CLASP1: variants seen among roughly 807,000 people sequenced by gnomAD.
CLASP1 encodes CLIP-associating protein 1.
Under a neutral mutation model 192.3 loss-of-function variants are expected in CLASP1, and 38 were observed. The ratio of observed to expected loss-of-function variants is 0.20; its 90% confidence interval spans 0.15 to 0.26. The LOEUF (loss-of-function observed/expected upper bound fraction) is 0.26. Ranked by LOEUF, CLASP1 falls within the 10% of genes least tolerant of loss-of-function variation. CLASP1 has a pLI of 1.00. For synonymous variants in CLASP1, 691 were observed against 712.8 expected, an observed-to-expected ratio of 0.97 and a Z score of 0.49; for missense variants, 1,433 against 1,932.5, an observed-to-expected ratio of 0.74 and a Z score of 4.85.
intron 2 of CLASP1, among the ~76,000 whole-genome samples, chr2:121,553,477 G>A (rs2058231149): frequency 6.6e-6 from 1 of 152,108 alleles, no homozygotes; most frequent in South Asian, 2.1e-4. Context: ...GCTGAGGTGG[G>A]AGGATCATGA....
chr2:121,357,114 C>A (rs1403429888), intron 37 of CLASP1, among the ~76,000 whole-genome samples: 1 of 152,134 alleles, frequency 6.6e-6, no homozygotes, highest in Non-Finnish European at 1.5e-5. Context: ...GCTACCCCAG[C>A]ACAAATATAG....
chr2:121,640,277 G>A (rs1001448860), intron 1 of CLASP1, among the ~76,000 whole-genome samples: 2 of 152,182 alleles, frequency 1.3e-5, no homozygotes, highest in African/African-American at 4.8e-5. Context: ...GTAAATGACA[G>A]GCTGATGGGT....
intron 23 of CLASP1, among the ~76,000 whole-genome samples, chr2:121,413,658 T>C (rs916390710): frequency 1.3e-5 from 2 of 152,234 alleles, no homozygotes; most frequent in Non-Finnish European, 2.9e-5. Context: ...CTTATTTTCA[T>C]ACATATGAAA....
chr2:121,369,429 T>A (rs2068119880), intron 34 of CLASP1, among the ~76,000 whole-genome samples: 1 of 152,174 alleles, frequency 6.6e-6, no homozygotes, highest in Admixed American at 6.5e-5. Flanking sequence ...TTTTTATAAG[T>A]CTTCTAAAAA....
chr2:121,552,837 TG>T (rs1411008110), intron 2 of CLASP1, among the ~76,000 whole-genome samples: 1 of 152,242 alleles, frequency 6.6e-6, no homozygotes, highest in African/African-American at 2.4e-5. Context: ...ATCCCATTAC[TG>T]GGTATATACC....
chr2:121,602,284 A>C (rs1456291573), intron 2 of CLASP1, among the ~76,000 whole-genome samples: 1 of 152,160 alleles, frequency 6.6e-6, no homozygotes, highest in Non-Finnish European at 1.5e-5. Flanking sequence ...CTCTACAAGG[A>C]AAACTACAAA....
At chr2:121,565,767 A>G (rs1423910016) in intron 2 of CLASP1, among the ~76,000 whole-genome samples, 1 of 152,256 alleles carries the variant, frequency 6.6e-6, no homozygotes, top group East Asian at 1.9e-4. Context: ...GCAGATCTGC[A>G]TGCTCAAGTC....
chr2:121,403,929 A>G, intron 26 of CLASP1: 1 of 418,732 alleles, frequency 2.4e-6, no homozygotes, highest in Non-Finnish European at 4.8e-6. Flanking sequence ...AATCCATTAC[A>G]TATTCTCATT....
intron 37 of CLASP1, among the ~76,000 whole-genome samples, chr2:121,357,513 A>G (rs973348679): frequency 6.6e-6 from 1 of 152,150 alleles, no homozygotes; most frequent in African/African-American, 2.4e-5. Context: ...CAGCATGTGA[A>G]CCCAGGCCTT....
rs566616230 is a variant in CLASP1 at position 121,378,932 on chromosome 2, C to G, written c.3492-1283G>C. On this transcript the variant is annotated intron_variant, in intron 33 of 39. Transcript: ENST00000263710. The stretch of plus-strand genomic sequence containing the variant: ...TTTCCTGTAATGTAAAAATGATGAA[C>G]ATTTAGTAAATACTCTTCCTTAAGT... Among the ~76,000 whole-genome samples the G allele has an allele frequency of 1.3e-4, 18 of 139,246 alleles. No homozygotes were observed. In the South Asian group the frequency reaches 4.1e-3, roughly 32 times the overall value. The allele number at this position is 139,246 out of a possible 152,430, so 91.4% of individuals were successfully genotyped here. A position where few individuals can be genotyped will look rare whatever the true frequency, so the allele number is the denominator to read the frequency against.
intron 22 of CLASP1, among the ~76,000 whole-genome samples, chr2:121,422,832 C>A (rs1311079113): frequency 6.6e-6 from 1 of 152,080 alleles, no homozygotes; most frequent in African/African-American, 2.4e-5. Context: ...ACGATTAATT[C>A]TCAGTGCAAA....
At chr2:121,512,889 T>G (rs1373728501) in intron 7 of CLASP1, 16 of 151,960 alleles carry the variant, frequency 1.1e-4, no homozygotes, top group Admixed American at 1.0e-3. Context: ...ATTTTTAATT[T>G]AGAACTAAAT....
chr2:121,581,017 G>A (rs2061073907), intron 2 of CLASP1, among the ~76,000 whole-genome samples: 1 of 152,120 alleles, frequency 6.6e-6, no homozygotes, highest in Non-Finnish European at 1.5e-5. Context: ...TATCTTAAAC[G>A]TGCAATCAGA....
chr2:121,409,196 CTAA>C, intron 24 of CLASP1: 1 of 639,860 alleles, frequency 1.6e-6, no homozygotes, highest in Non-Finnish European at 2.7e-6. Flanking sequence ...TCATATCAAG[CTAA>C]TAATAATAAA....
chr2:121,370,771 TCCA>T (rs2068495142), intron 34 of CLASP1, among the ~76,000 whole-genome samples: 1 of 152,164 alleles, frequency 6.6e-6, no homozygotes, highest in Non-Finnish European at 1.5e-5. Context: ...CTCCCCCCAC[TCCA>T]CCTGTCCCTA....
At chr2:121,553,430 A>G (rs1034303646) in intron 2 of CLASP1, among the ~76,000 whole-genome samples, 46 of 152,202 alleles carry the variant, frequency 3.0e-4, no homozygotes, top group South Asian at 2.1e-4. Flanking sequence ...TGGGCCAGGC[A>G]TGGTGGCACA....
intron 7 of CLASP1, among the ~76,000 whole-genome samples, chr2:121,512,615 C>T: frequency 6.6e-6 from 1 of 152,118 alleles, no homozygotes; most frequent in East Asian, 1.9e-4. Context: ...AGATTTTGGC[C>T]ACGAGAAGAG....
chr2:121,363,222 C>T, exon 37 of CLASP1: 1 of 1,613,888 alleles, frequency 6.2e-7, no homozygotes, highest in Non-Finnish European at 8.5e-7. Context: ...ATCGTCAGCT[C>T]GGCGTAGTTT....
chr2:121,590,975 C>T lies in CLASP1; in HGVS notation c.195+14726G>A, dbSNP rs1055901923. Among the ~76,000 whole-genome samples the T allele has an allele frequency of 2.0e-5, 3 of 150,454 alleles. No homozygotes were observed. The Admixed American group carries it at 2.0e-4, about 10-fold the overall frequency. ...CTCCGCCTCCCGGGTTCAAGCGATT[C>T]TCCTGCCTCAGCCTGCCAAGCAGCT... On this transcript the variant is annotated intron_variant, in intron 2 of 39. Coordinates refer to ENST00000263710, the Ensembl canonical transcript of CLASP1.
Sources: allele counts gnomAD v4.1 joint callset (sites outside exome capture counted in the v4.1 genomes callset), GRCh38; gene constraint gnomAD v4.1.1; transcripts MANE v1.5; gene names NCBI Gene and HGNC (gene_info 2026-07-23, HGNC 2026-07-21).